Variants in GCNA observed in about 807,000 individuals in gnomAD.
GCNA encodes the protein germ cell nuclear acidic protein.
In GCNA, 3 loss-of-function variants were observed where a neutral mutation model predicts 38.8. The observed-to-expected ratio is 0.08, with a 90% CI of 0.04 to 0.20. GCNA has a LOEUF of 0.20. Among genes scored for constraint, GCNA ranks in the 10% least tolerant of loss-of-function variants. The pLI is 1.00. For synonymous variants in GCNA, 195 were observed against 240.2 expected (o/e 0.81, Z 1.74); for missense variants, 446 against 578.6 (o/e 0.77, Z 2.35).
intron 7 of GCNA, among the ~76,000 whole-genome samples, chrX:71,603,236 G>T (rs2040730677): frequency 8.9e-6 from 1 of 111,891 alleles, no homozygotes; most frequent in Admixed American, 9.5e-5. Flanking sequence ...TGTTCTTTTT[G>T]CTCAGGATAA....
chrX:71,603,879 G>C lies in GCNA; in HGVS notation c.602G>C (p.Ser201Thr), dbSNP rs1185541899. ...DNSDDSSDDN[S>T]DDSSDDNSDD... is the part of the protein sequence containing the mutation. ...AGTGATGATTCATCCGACGACAACA[G>C]TGATGATTCATCCGACGACAACAGT... The change falls in exon 8 of 13, where the codon AGT (serine) becomes ACT (threonine). Residue 201 changes from serine (S) to threonine (T), a missense_variant. Coordinates refer to ENST00000373696, the MANE Select transcript of GCNA (RefSeq NM_052957.5). The C allele has an allele frequency of 8.4e-6, 10 of 1,195,549 alleles. 1 individual carries two copies. The African/African-American group carries it at 1.7e-4, about 20-fold the overall frequency.
chrX:71,610,158 T>A (rs1356702226), intron 10 of GCNA, among the ~76,000 whole-genome samples: 2 of 111,916 alleles, frequency 1.8e-5, no homozygotes, highest in Admixed American at 9.5e-5. Context: ...TACCCAGACG[T>A]TAATGTGGCT....
At chrX:71,589,451 T>C (rs1349404136) in intron 2 of GCNA, among the ~76,000 whole-genome samples, 1 of 16,867 alleles carries the variant, frequency 5.9e-5, no homozygotes. Flanking sequence ...ATATATTTCC[T>C]TTTTTTTTTT....
Position 71,613,179 on chromosome X carries a change from T to C in GCNA, c.*197T>C. On this transcript the variant is annotated 3_prime_UTR_variant, in exon 13 of 13. Transcript: ENST00000373696. ...TTTAGAAAAGTTTGTTTTGTGAAGTTAGGAATATTAGAATTTAGGTACTGT... is the reference window on the plus strand; with the variant it reads ...TTTAGAAAAGTTTGTTTTGTGAAGTCAGGAATATTAGAATTTAGGTACTGT... The C allele has an allele frequency of 2.2e-6, 1 of 462,021 alleles. No individual in the cohort carries two copies. Among genetic ancestry groups the C allele is most frequent in the Non-Finnish European group, 3.4e-6 (1 of 290,094 alleles). 38.1% of individuals were successfully genotyped at this position (462,021 alleles called of 1,213,427 possible).
chrX:71,612,808 T>C (rs2040822810), intron 12 of GCNA, 54 bp from the exon 13 acceptor site: 10 of 1,190,713 alleles, frequency 8.4e-6, no homozygotes, highest in Non-Finnish European at 1.1e-5. Context: ...TCAGAGCTGA[T>C]GCTGAGGTGC....
intron 3 of GCNA, among the ~76,000 whole-genome samples, 172 bp from the exon 4 acceptor site, chrX:71,592,364 CT>C (rs1271899081): frequency 5.8e-5 from 5 of 86,427 alleles, no homozygotes; most frequent in East Asian, 3.7e-4. Flanking sequence ...TACTTTCCTC[CT>C]TTTTTTTTGG....
At chrX:71,579,095 G>A (rs2040524836) in intron 1 of GCNA, among the ~76,000 whole-genome samples, 1 of 104,622 alleles carries the variant, frequency 9.6e-6, no homozygotes, top group African/African-American at 3.5e-5. Context: ...TGGCGTAGGA[G>A]CGTGTGGTGG....
At chrX:71,605,960 T>A (rs911915976) in intron 9 of GCNA, among the ~76,000 whole-genome samples, 1 of 112,461 alleles carries the variant, frequency 8.9e-6, no homozygotes, top group Non-Finnish European at 1.9e-5. Flanking sequence ...GCATGGGCTC[T>A]CCGCCAAGGT....
chrX:71,612,990 C>T lies in GCNA; in HGVS notation c.*8C>T. 8.3e-7 allele frequency: 1 copy of T among 1,210,941 alleles called. No homozygotes were observed. Among genetic ancestry groups the T allele is most frequent in the Non-Finnish European group, 1.1e-6 (1 of 895,092 alleles). Reference sequence around the variant, plus strand: ...ATTGTGCCCCACGTGTGACCATTTGCTGTGTATGTGCAGAAGTATTATAGA... The same window carrying T: ...ATTGTGCCCCACGTGTGACCATTTGTTGTGTATGTGCAGAAGTATTATAGA... On this transcript the variant is annotated 3_prime_UTR_variant, in exon 13 of 13. Coordinates refer to ENST00000373696, the MANE Select transcript of GCNA (RefSeq NM_052957.5).
At chrX:71,579,750 T>G in intron 1 of GCNA, among the ~76,000 whole-genome samples, 1 of 100,993 alleles carries the variant, frequency 9.9e-6, no homozygotes, top group Non-Finnish European at 2.0e-5. Context: ...TGGGAGCAGT[T>G]GAAGGTGGCT....
chrX:71,597,850 T>A, intron 6 of GCNA, 100 bp from the exon 7 acceptor site: 2 of 612,380 alleles, frequency 3.3e-6, no homozygotes, highest in South Asian at 5.9e-5. Context: ...AAACAAAAAA[T>A]TGACAAGTGG....
intron 2 of GCNA, among the ~76,000 whole-genome samples, chrX:71,588,106 T>C (rs2040596653): frequency 8.9e-6 from 1 of 112,044 alleles, no homozygotes; most frequent in African/African-American, 3.2e-5. Flanking sequence ...AAAATGCAGT[T>C]TCTGATTCCT....
intron 11 of GCNA, among the ~76,000 whole-genome samples, chrX:71,611,627 A>G (rs1017116551): frequency 2.7e-5 from 3 of 111,744 alleles, no homozygotes; most frequent in Non-Finnish European, 5.6e-5. Flanking sequence ...TCAATCAATT[A>G]GTAAGAACCC....
chrX:71,595,764 A>G (rs2040666609), intron 6 of GCNA, among the ~76,000 whole-genome samples: 1 of 112,084 alleles, frequency 8.9e-6, no homozygotes, highest in Non-Finnish European at 1.9e-5. Flanking sequence ...TTACTGTACA[A>G]ATGCAAATTG....
chrX:71,592,516 T>C (rs745839855), intron 3 of GCNA, 21 bp from the exon 4 acceptor site: 110 of 988,506 alleles, frequency 1.1e-4, no homozygotes, highest in Non-Finnish European at 1.3e-4. Context: ...TGTTTTCTAA[T>C]GCCCTCTTTC....
chrX:71,578,870 C>A (rs1406235307), intron 1 of GCNA, among the ~76,000 whole-genome samples: 5 of 100,356 alleles, frequency 5.0e-5, no homozygotes, highest in African/African-American at 1.9e-4. Flanking sequence ...AGTGGGGGGC[C>A]TGGTGGTGGC....
At position 71,604,601 on chromosome X, in the gene GCNA, C is replaced by A. The variant is rs996223460; in HGVS notation, c.1324C>A (p.Gln442Lys). Residue 442 changes from glutamine (Q) to lysine (K), a missense_variant, in exon 8 of 13, where the codon CAG becomes AAG. By Grantham distance (53) the Gln-to-Lys change is moderately conservative. Around this residue, in one of 7 missense-constraint regions of GCNA, gnomAD observed 160 missense variants for 165.2 expected, o/e 0.97. Coordinates refer to ENST00000373696, the MANE Select transcript of GCNA (RefSeq NM_052957.5). ...KNIVEPPRKR[Q>K]TKTKNIVEPL... ...TATAGTGGAGCCACCAAGGAAAAGG[C>A]AGACAAAGACCAAAAATATAGTGGA... is the stretch of plus-strand genomic sequence containing the variant. 1.7e-5 allele frequency: 21 copies of A among 1,200,027 alleles called. No individual in the cohort carries two copies. Among genetic ancestry groups the A allele is most frequent in the Non-Finnish European group, 3.4e-6 (3 of 889,454 alleles).
intron 6 of GCNA, 28 bp from the exon 7 acceptor site, chrX:71,597,922 C>T: frequency 8.9e-7 from 1 of 1,121,548 alleles, no homozygotes; most frequent in Non-Finnish European, 1.2e-6. Context: ...ATACTTCTCT[C>T]TTGTTTTTCT....
chrX:71,590,351 A>G, intron 2 of GCNA, among the ~76,000 whole-genome samples: 1 of 111,691 alleles, frequency 9.0e-6, no homozygotes, highest in East Asian at 2.8e-4. Context: ...CTCTCAAAAA[A>G]GTAGGTGTGT....
Sources: gnomAD v4.1 joint callset for allele counts (sites outside exome capture counted in the v4.1 genomes callset) on GRCh38, gnomAD v4.1.1 for gene constraint, gnomAD v4.1.1 regional missense constraint, MANE v1.5 for transcripts, NCBI Gene and HGNC (gene_info 2026-07-23, HGNC 2026-07-21) for gene names.